The following CACNA1H variants were observed in gnomAD, a reference collection of about 807,000 sequenced individuals.
CACNA1H encodes the protein voltage-dependent T-type calcium channel subunit alpha-1H.
A neutral mutation model predicts 192.5 loss-of-function variants in CACNA1H; 149 were observed. The ratio of observed to expected loss-of-function variants is 0.77; its 90% CI spans 0.68 to 0.89. CACNA1H has a LOEUF of 0.89. Among genes scored for constraint, CACNA1H ranks in the 40% least tolerant of loss-of-function variants. The pLI is 0.00. For missense variants in CACNA1H, 4,257 were observed against 3,423.5 expected, an observed-to-expected ratio of 1.24 and a Z score of -6.08; for synonymous variants, 2,202 against 1,475.2, an observed-to-expected ratio of 1.49 and a Z score of -11.29.
chr16:1,206,709 A>G, intron 12 of CACNA1H: 1 of 462,226 alleles, frequency 2.2e-6, no homozygotes, highest in Non-Finnish European at 3.9e-6. Flanking sequence ...TGAATGAGGC[A>G]GGTGTCCCAG....
At position 1,196,023 on chromosome 16, in the gene CACNA1H, A is replaced by G; in HGVS notation, c.643A>G (p.Ser215Gly). 6.2e-7 allele frequency: 1 copy of G among 1,611,880 alleles called. No individual in the cohort carries two copies. Reference sequence around the variant, plus strand: ...CCTCCGCGCCATCAACCGCGTGCCTAGTAAGTGACCGGCCCCGACTGGGCT... The same window carrying G: ...CCTCCGCGCCATCAACCGCGTGCCTGGTAAGTGACCGGCCCCGACTGGGCT... ...RPLRAINRVP[S>G]MRILVTLLLD... is the part of the protein sequence containing the mutation. The change falls in exon 5 of 35, where the codon AGC becomes GGC. Residue 215 changes from serine (S) to glycine (G), a missense_variant and splice_region_variant. Ser to Gly is a moderately conservative substitution (Grantham distance 56). Coordinates refer to ENST00000348261, the MANE Select transcript of CACNA1H (RefSeq NM_021098.3).
In CACNA1H at chr16:1,204,341, C is replaced by G; in HGVS notation, c.2334C>G (p.Leu778=). 1 of 1,586,284 alleles carries G rather than the reference C, an allele frequency of 6.3e-7. No homozygotes were observed. Among genetic ancestry groups the G allele is most frequent in the Non-Finnish European group, 8.6e-7 (1 of 1,165,870 alleles). ...APGEPGWMGR[L]WVTFSGKLRR... is the part of the protein sequence containing the mutation. ...GCGAGCCAGGCTGGATGGGCCGCCT[C>G]TGGGTTACCTTCAGCGGCAAGCTGC... The change falls in exon 10 of 35, where the codon CTC becomes CTG. Residue 778 remains leucine, a synonymous_variant. Coordinates refer to ENST00000348261, the MANE Select transcript of CACNA1H (RefSeq NM_021098.3).
chr16:1,184,343 C>T (rs946363490), intron 2 of CACNA1H, among the ~76,000 whole-genome samples: 4 of 152,136 alleles, frequency 2.6e-5, no homozygotes, highest in Non-Finnish European at 1.5e-5. Flanking sequence ...GGCCGGCAAG[C>T]GTGGGACCGA....
At chr16:1,172,505 C>T (rs1964467843) in intron 2 of CACNA1H, among the ~76,000 whole-genome samples, 1 of 152,162 alleles carries the variant, frequency 6.6e-6, no homozygotes, top group African/African-American at 2.4e-5. Flanking sequence ...CACGTAAGTA[C>T]CTGTGTGTTG....
intron 2 of CACNA1H, among the ~76,000 whole-genome samples, chr16:1,181,215 G>A (rs752047718): frequency 7.2e-5 from 11 of 152,356 alleles, no homozygotes; most frequent in East Asian, 5.8e-4. Context: ...CTGGGGGCCC[G>A]CAGCACCCTC....
In CACNA1H at chr16:1,205,174, C is replaced by T. The variant is rs951038626; in HGVS notation, c.2512C>T (p.Leu838=). 1.9e-6 allele frequency: 3 copies of T among 1,613,002 alleles called. No individual in the cohort carries two copies. The highest frequency in any genetic ancestry group is 2.5e-6 in the Non-Finnish European group (3 of 1,179,774). Residue 838 remains leucine (L), a synonymous_variant, in exon 11 of 35, where the codon CTG becomes TTG. Transcript: ENST00000348261. ...SNIVFTSMFA[L]EMLLKLLACG... is the part of the protein sequence containing the mutation. ...CATCGTGTTCACCAGCATGTTTGCC[C>T]TGGAGATGCTGCTGAAGCTGCTGGC...
At chr16:1,202,606 G>A (rs899223541) in intron 9 of CACNA1H, among the ~76,000 whole-genome samples, 154 bp downstream of exon 9, 1 of 152,190 alleles carries the variant, frequency 6.6e-6, no homozygotes, top group South Asian at 2.1e-4. Context: ...GAGCCCATAA[G>A]AAGGGGAAAG....
At chr16:1,185,612 C>G (rs1251411713) in intron 2 of CACNA1H, among the ~76,000 whole-genome samples, 95 of 96,448 alleles carry the variant, frequency 9.8e-4, no homozygotes, top group Middle Eastern at 6.0e-3. Context: ...GCGTAGGGGC[C>G]GGAGGCGGGG....
intron 8 of CACNA1H, among the ~76,000 whole-genome samples, chr16:1,201,448 T>C (rs541393832): frequency 2.0e-5 from 3 of 152,220 alleles, no homozygotes; most frequent in African/African-American, 7.2e-5. Context: ...TTCCAGGTCT[T>C]TTGTCCAGAT....
chr16:1,198,853 C>A (rs906417143), intron 6 of CACNA1H, 79 bp downstream of exon 6: 2 of 1,392,842 alleles, frequency 1.4e-6, no homozygotes, highest in African/African-American at 1.4e-5. Context: ...TGTGGCTCCA[C>A]CGCCCCACGT....
At chr16:1,186,164 G>C (rs200304429) in intron 2 of CACNA1H, among the ~76,000 whole-genome samples, 3 of 146,438 alleles carry the variant, frequency 2.0e-5, no homozygotes, top group Non-Finnish European at 3.0e-5. Flanking sequence ...GTCGGCGTGC[G>C]TAGGGGCCGG....
At chr16:1,166,959 G>C (rs1018477277) in intron 2 of CACNA1H, among the ~76,000 whole-genome samples, 1 of 152,210 alleles carries the variant, frequency 6.6e-6, no homozygotes, top group Non-Finnish European at 1.5e-5. Flanking sequence ...TGCTGGGTCA[G>C]GCGGAAACAG....
At chr16:1,200,635 C>G (rs999691704) in intron 7 of CACNA1H, 64 bp downstream of exon 7, 2 of 1,563,804 alleles carry the variant, frequency 1.3e-6, no homozygotes, top group East Asian at 2.3e-5. Flanking sequence ...GCAGGACTCG[C>G]CCCCCCCAGC....
intron 2 of CACNA1H, chr16:1,157,338 G>A (rs918892051): frequency 6.6e-6 from 1 of 152,282 alleles, no homozygotes; most frequent in Non-Finnish European, 1.5e-5. Flanking sequence ...CTCTGAGATG[G>A]GGAAGGATAT....
At chr16:1,166,480 A>T (rs533486997) in intron 2 of CACNA1H, among the ~76,000 whole-genome samples, 1 of 152,068 alleles carries the variant, frequency 6.6e-6, no homozygotes, top group African/African-American at 2.4e-5. Flanking sequence ...TTGAGAGGTA[A>T]TTTATCCACC....
rs111676650 is a variant in CACNA1H, at chr16:1,221,462, C to T, written c.*468C>T. 5.6e-6 allele frequency: 2 copies of T among 355,776 alleles called. No homozygotes were observed. Among genetic ancestry groups the T allele is most frequent in the African/African-American group, 2.1e-5 (1 of 46,798 alleles). The allele number at this position is 355,776 out of a possible 1,614,324, so 22.0% of individuals were successfully genotyped here. A position where few individuals can be genotyped will look rare whatever the true frequency, so the allele number is the denominator to read the frequency against. ...TGAGTTCTTGTCCGCCTGTCACGCC[C>T]TCACCACCCTCCCCTTCCAGCCACC... On this transcript the variant is annotated 3_prime_UTR_variant, in exon 35 of 35. Transcript: ENST00000348261.
In CACNA1H at chr16:1,168,253, CTGTT is replaced by C. The variant is rs532950310; in HGVS notation, c.299+14220_299+14223del. Among the ~76,000 whole-genome samples, 509 of 152,124 alleles carry C rather than the reference CTGTT, an allele frequency of 3.3e-3. 2 individuals are homozygous for C. Among genetic ancestry groups the C allele is most frequent in the African/African-American group, 0.011 (454 of 41,482 alleles). ...CCCCGATGAGCCCACCATGTCCAGTCTGTTTGGACGCTGGCCATCCAGCAACCCC... is the reference window on the plus strand; with the variant it reads ...CCCCGATGAGCCCACCATGTCCAGTCTGGACGCTGGCCATCCAGCAACCCC... On this transcript the variant is annotated intron_variant, in intron 2 of 34. Transcript: ENST00000348261.
At position 1,212,047 on chromosome 16, in the gene CACNA1H, GA is replaced by G; in HGVS notation, c.4670del (p.Asn1557ThrfsTer25). On this transcript the variant is annotated frameshift_variant, in exon 25 of 35. Coordinates refer to ENST00000348261, the MANE Select transcript of CACNA1H (RefSeq NM_021098.3). LOFTEE classifies it high-confidence loss of function. ...ACATGTTCGTGGGCGTCGTGGTCGA[GA>G]ACTTCCACAAGTGCCGGCAGCACCA... Reference protein sequence around the residue: ...LNMFVGVVVENFHKCRQHQEA... With the variant: ...LNMFVGVVVEXFHKCRQHQEA... The G allele has an allele frequency of 6.2e-7, 1 of 1,613,326 alleles. No homozygotes were observed. The highest frequency in any genetic ancestry group is 8.5e-7 in the Non-Finnish European group (1 of 1,179,680).
chr16:1,179,552 C>T (rs930550149), intron 2 of CACNA1H, among the ~76,000 whole-genome samples: 3 of 152,098 alleles, frequency 2.0e-5, no homozygotes, highest in Non-Finnish European at 4.4e-5. Flanking sequence ...CCTCAGCCTC[C>T]TGAATAGCTG....
Sources: gnomAD v4.1 joint callset for allele counts (sites outside exome capture counted in the v4.1 genomes callset) on GRCh38, gnomAD v4.1.1 for gene constraint, MANE v1.5 for transcripts, NCBI Gene and HGNC (gene_info 2026-07-23, HGNC 2026-07-21) for gene names.